NXPH1: variants seen among roughly 807,000 people sequenced by gnomAD.
The protein encoded by NXPH1 is neurexophilin 1.
NXPH1 carries 5 observed loss-of-function variants against 23.7 expected under a neutral mutation model. The observed-to-expected ratio is 0.21, with a 90% CI of 0.11 to 0.44. The LOEUF is 0.44. Ranked by LOEUF, NXPH1 falls within the 20% of genes least tolerant of loss-of-function variation. NXPH1 has a pLI of 0.99. For missense variants in NXPH1, 324 were observed against 321.6 expected (o/e 1.01, Z -0.06); for synonymous variants, 144 against 122.2 (o/e 1.18, Z -1.18).
At chr7:8,745,719 A>ATTTTTTTTTT (rs56019801) in intron 2 of NXPH1, among the ~76,000 whole-genome samples, 1,898 of 111,190 alleles carry the variant, frequency 0.017, no homozygotes, top group African/African-American at 0.02. Context: ...CGCCCAGCTA[A>ATTTTTTTTTT]TTTTTTTTTT....
intron 2 of NXPH1, among the ~76,000 whole-genome samples, chr7:8,732,172 G>T (rs1290870852): frequency 6.6e-5 from 10 of 152,214 alleles, no homozygotes; most frequent in African/African-American, 1.4e-4. Context: ...CGCTTCCTGA[G>T]TGAGGCAATG....
In NXPH1 at chr7:8,710,952, G is replaced by T. The variant is rs780684003; in HGVS notation, c.55-40056G>T. ...GCTGGGACTACAGGCGTGAGCCACC[G>T]CGCCCGGCCGTTACGGTTTTATGAT... is the stretch of plus-strand genomic sequence containing the variant. On this transcript the variant is annotated intron_variant, in intron 2 of 2. Coordinates refer to ENST00000405863, the MANE Select transcript of NXPH1 (RefSeq NM_152745.3). 2.5e-4 allele frequency among the ~76,000 whole-genome samples: 29 copies of T among 115,028 alleles called. 1 individual carries two copies. Among genetic ancestry groups the T allele is most frequent in the Non-Finnish European group, 4.1e-4 (25 of 60,940 alleles). The allele number at this position is 115,028 out of a possible 152,430, so 75.5% of individuals were successfully genotyped here.
chr7:8,633,704 C>A (rs555544695), intron 2 of NXPH1, among the ~76,000 whole-genome samples: 1 of 152,084 alleles, frequency 6.6e-6, no homozygotes, highest in Non-Finnish European at 1.5e-5. Context: ...AAAAAGAATT[C>A]GTAATTTTTA....
intron 2 of NXPH1, among the ~76,000 whole-genome samples, chr7:8,684,234 C>T (rs1175761428): frequency 1.3e-5 from 2 of 152,114 alleles, no homozygotes; most frequent in Non-Finnish European, 2.9e-5. Flanking sequence ...TATCATATTC[C>T]TGCCCGTGAG....
At chr7:8,530,976 A>T (rs1199376043) in intron 2 of NXPH1, among the ~76,000 whole-genome samples, 2 of 152,162 alleles carry the variant, frequency 1.3e-5, no homozygotes, top group Non-Finnish European at 2.9e-5. Flanking sequence ...TCAAAAGAGG[A>T]CAGAATGTAA....
chr7:8,551,559 T>A (rs1818276054), intron 2 of NXPH1, among the ~76,000 whole-genome samples: 1 of 151,542 alleles, frequency 6.6e-6, no homozygotes, highest in Non-Finnish European at 1.5e-5. Context: ...ATACTGTGTT[T>A]AAATAAAATA....
chr7:8,608,973 A>T (rs576494655), intron 2 of NXPH1, among the ~76,000 whole-genome samples: 1 of 152,248 alleles, frequency 6.6e-6, no homozygotes, highest in South Asian at 2.1e-4. Context: ...GGTTCTTGGA[A>T]ACTTGACTTT....
intron 2 of NXPH1, among the ~76,000 whole-genome samples, chr7:8,566,330 G>T (rs1818545389): frequency 6.6e-6 from 1 of 151,800 alleles, no homozygotes; most frequent in South Asian, 2.1e-4. Flanking sequence ...TTGGTTGCAT[G>T]GACAGAGACT....
chr7:8,479,263 C>T (rs980622116), intron 2 of NXPH1, among the ~76,000 whole-genome samples: 17 of 152,040 alleles, frequency 1.1e-4, no homozygotes, highest in Admixed American at 5.2e-4. Flanking sequence ...AAAAGCTATT[C>T]TCATTAACTT....
In NXPH1 at chr7:8,751,506, G is replaced by T. The variant is rs774465652; in HGVS notation, c.553G>T (p.Asp185Tyr). ...EFDLAQQTVI[D>Y]AKDSKSFNCR... ...TGACTTGGCACAACAAACCGTGATT[G>T]ATGCCAAAGATTCCAAGTCTTTTAA... The change falls in exon 3 of 3, where the codon GAT becomes TAT. Residue 185 changes from aspartate (D) to tyrosine (Y), a missense_variant. Physicochemically the swap from Asp to Tyr is radical, Grantham distance 160. Transcript: ENST00000405863. The surrounding 1 kb of genome is among the most constrained non-coding windows in gnomAD (Gnocchi z 4.5). 6.2e-7 allele frequency: 1 copy of T among 1,613,674 alleles called. No individual in the cohort carries two copies. Among genetic ancestry groups the T allele is most frequent in the Non-Finnish European group, 8.5e-7 (1 of 1,179,796 alleles).
At chr7:8,728,884 C>G (rs1780102158) in intron 2 of NXPH1, among the ~76,000 whole-genome samples, 1 of 151,708 alleles carries the variant, frequency 6.6e-6, no homozygotes, top group African/African-American at 2.4e-5. Context: ...CCCTCTTTTT[C>G]TATTGATTGG....
chr7:8,717,892 G>GTATATATA (rs1408074927), intron 2 of NXPH1, among the ~76,000 whole-genome samples: 2 of 68,332 alleles, frequency 2.9e-5, no homozygotes, highest in Admixed American at 1.6e-4. Flanking sequence ...TTCTCTCTGT[G>GTATATATA]TGTATATATA....
chr7:8,527,806 C>G (rs1432815727), intron 2 of NXPH1, among the ~76,000 whole-genome samples: 1 of 152,172 alleles, frequency 6.6e-6, no homozygotes, highest in African/African-American at 2.4e-5. Context: ...TGTAATTCAA[C>G]ATGGCAAAAG....
In NXPH1 at chr7:8,434,540, G is replaced by T. The variant is rs367648621; in HGVS notation, c.-326G>T. The stretch of plus-strand genomic sequence containing the variant: ...CGTGAATCCAACTGTGCCAAGCCTT[G>T]GCTCCCGCGAACCAATCCTGAGCGC... On this transcript the variant is annotated 5_prime_UTR_variant, in exon 1 of 3. Transcript: ENST00000405863. This position sits in a 1 kb window ranked among gnomAD's most constrained non-coding sequence, Gnocchi z 7.6. 3.0e-4 allele frequency: 46 copies of T among 152,898 alleles called. No individual in the cohort carries two copies. The highest frequency in any genetic ancestry group is 1.1e-3 in the African/African-American group (46 of 41,548). The allele number at this position is 152,898 out of a possible 1,614,324, so 9.5% of individuals were successfully genotyped here.
intron 2 of NXPH1, among the ~76,000 whole-genome samples, chr7:8,562,534 C>A (rs556447744): frequency 3.2e-4 from 47 of 146,200 alleles, no homozygotes; most frequent in Middle Eastern, 3.3e-3. Context: ...TTGTTCTTTT[C>A]TTTTCTTTAA....
chr7:8,691,965 A>G (rs564079673), intron 2 of NXPH1, among the ~76,000 whole-genome samples: 24 of 152,014 alleles, frequency 1.6e-4, no homozygotes, highest in Non-Finnish European at 2.8e-4. Context: ...CTGAGTGACA[A>G]GGGGCACTAG....
intron 2 of NXPH1, among the ~76,000 whole-genome samples, chr7:8,449,810 G>A (rs769999134): frequency 2.0e-5 from 3 of 152,106 alleles, no homozygotes; most frequent in African/African-American, 7.2e-5. Context: ...GGGGAACTGG[G>A]GTCTGCCTAA....
At chr7:8,474,548 C>T (rs538604915) in intron 2 of NXPH1, among the ~76,000 whole-genome samples, 1 of 152,256 alleles carries the variant, frequency 6.6e-6, no homozygotes, top group East Asian at 1.9e-4. Context: ...ATACCAAGTA[C>T]GTATGTTTAA....
intron 2 of NXPH1, among the ~76,000 whole-genome samples, chr7:8,630,422 C>A (rs1820102958): frequency 6.6e-6 from 1 of 152,034 alleles, no homozygotes; most frequent in Admixed American, 6.6e-5. Context: ...ATGGGAGCTC[C>A]CAAGTTGCAA....
Sources: allele counts gnomAD v4.1 joint callset (sites outside exome capture counted in the v4.1 genomes callset), GRCh38; gene constraint gnomAD v4.1.1; non-coding constraint Gnocchi (gnomAD v3.1); transcripts MANE v1.5; gene names NCBI Gene and HGNC (gene_info 2026-07-23, HGNC 2026-07-21).